GGNBP2: variants seen among roughly 807,000 people sequenced by gnomAD.
GGNBP2 encodes the protein gametogenetin binding protein 2, also known as gametogenetin-binding protein 2.
GGNBP2 carries 10 observed loss-of-function variants against 85.9 expected under a neutral mutation model. That is an observed-to-expected ratio of 0.12 (90% CI 0.07 to 0.20). The LOEUF (loss-of-function observed/expected upper bound fraction) is 0.20, where lower values mean the gene tolerates loss of function less well. Ranked by LOEUF, GGNBP2 falls within the 10% of genes least tolerant of loss-of-function variation. GGNBP2 has a pLI of 1.00. For synonymous variants in GGNBP2, 287 were observed against 285.7 expected (o/e 1.00, Z -0.05); for missense variants, 595 against 857.8 (o/e 0.69, Z 3.83).
At chr17:36,562,823 G>C (rs1567822828) in intron 5 of GGNBP2, among the ~76,000 whole-genome samples, 1 of 151,634 alleles carries the variant, frequency 6.6e-6, no homozygotes. Context: ...AAATTAGCCA[G>C]GCATGGTGGC....
At chr17:36,565,632 TCA>T (rs2142732783) in intron 5 of GGNBP2, among the ~76,000 whole-genome samples, 1 of 152,252 alleles carries the variant, frequency 6.6e-6, no homozygotes, top group East Asian at 1.9e-4. Context: ...GCGGGGTGGC[TCA>T]CACTGGTAAT....
chr17:36,575,895 C>T (rs191040446), intron 6 of GGNBP2, among the ~76,000 whole-genome samples: 13 of 150,936 alleles, frequency 8.6e-5, no homozygotes, highest in Admixed American at 8.6e-4. Flanking sequence ...GATCCACCCG[C>T]CTTTGCCTCC....
intron 6 of GGNBP2, chr17:36,577,745 A>T (rs919089596): frequency 4.8e-5 from 27 of 565,326 alleles, no homozygotes; most frequent in African/African-American, 4.7e-4. Flanking sequence ...TATCTGCCTC[A>T]TTCTTTTAGG....
At chr17:36,583,146 C>T (rs1293751687) in intron 9 of GGNBP2, among the ~76,000 whole-genome samples, 2 of 151,934 alleles carry the variant, frequency 1.3e-5, no homozygotes, top group African/African-American at 4.8e-5. Context: ...CTCCGCCTCT[C>T]GGGTTCAAGC....
At chr17:36,576,599 G>GTA (rs2074589780) in intron 6 of GGNBP2, 1 of 80,224 alleles carries the variant, frequency 1.2e-5, no homozygotes, top group African/African-American at 5.8e-5. Flanking sequence ...ATATATATGT[G>GTA]TGTGTGTGTG....
chr17:36,588,842 A>G (rs923363953), intron 13 of GGNBP2, among the ~76,000 whole-genome samples: 2 of 152,216 alleles, frequency 1.3e-5, no homozygotes, highest in Non-Finnish European at 2.9e-5. Flanking sequence ...CTTAGTTTGT[A>G]GAGATGACTG....
chr17:36,567,266 A>T lies in GGNBP2; in HGVS notation c.528-397A>T, dbSNP rs553033637. Reference sequence around the variant, plus strand: ...GATAGTCAAGCAGAAGTTTTTATATAAAGATATGAGCACACATTTAAATGA... The same window carrying T: ...GATAGTCAAGCAGAAGTTTTTATATTAAGATATGAGCACACATTTAAATGA... On this transcript the variant is annotated intron_variant, in intron 5 of 13. Coordinates refer to ENST00000613102, the MANE Select transcript of GGNBP2 (RefSeq NM_024835.5). 3.3e-5 allele frequency among the ~76,000 whole-genome samples: 5 copies of T among 152,330 alleles called. No individual in the cohort carries two copies. In the South Asian group the frequency reaches 1.0e-3, roughly 32 times the overall value.
At position 36,586,887 on chromosome 17, in the gene GGNBP2, G is replaced by A. The variant is rs867653808; in HGVS notation, c.1642-110G>A. On this transcript the variant is annotated intron_variant, in intron 12 of 13. Transcript: ENST00000613102. ...ACCTGCCTCGGCCTCCCAAAATGTT[G>A]AGATTGTAGGCATGAGCCACCGTGC... 29 of 1,099,896 alleles carry A rather than the reference G, an allele frequency of 2.6e-5. No individual in the cohort carries two copies. In the Middle Eastern group the frequency reaches 4.4e-3, roughly 168 times the overall value. The allele number at this position is 1,099,896 out of a possible 1,614,324, so 68.1% of individuals were successfully genotyped here. A position where few individuals can be genotyped will look rare whatever the true frequency, so the allele number is the denominator to read the frequency against.
chr17:36,576,565 AAAAAAAAAAAAAAAAAAAAAT>A (rs973014498), intron 6 of GGNBP2: 1 of 12,744 alleles, frequency 7.8e-5, no homozygotes, highest in East Asian at 2.8e-3. Flanking sequence ...AAAAAAAAAA[AAAAAAAAAAAAAAAAAAAAAT>A]ATATATATAT....
Position 36,572,586 on chromosome 17 carries a change from G to A in GGNBP2, c.641+4810G>A, listed in dbSNP as rs151124713. Reference sequence around the variant, plus strand: ...CACCTGTAGTCCCAGGTACTCAGGTGGATGAGGCGGGGAGGGTCACCTGAG... The same window carrying A: ...CACCTGTAGTCCCAGGTACTCAGGTAGATGAGGCGGGGAGGGTCACCTGAG... On this transcript the variant is annotated intron_variant, in intron 6 of 13. Coordinates refer to ENST00000613102, the MANE Select transcript of GGNBP2 (RefSeq NM_024835.5). Among the ~76,000 whole-genome samples the A allele has an allele frequency of 7.7e-4, 117 of 152,214 alleles. 1 individual carries two copies. Among genetic ancestry groups the A allele is most frequent in the East Asian group, 2.7e-3 (14 of 5,174 alleles).
chr17:36,581,773 C>T lies in GGNBP2; in HGVS notation c.1215+235C>T, dbSNP rs1393866584. 1.7e-5 allele frequency: 5 copies of T among 286,034 alleles called. No individual in the cohort carries two copies. The Admixed American group carries it at 2.5e-4, about 15-fold the overall frequency. 17.7% of individuals were successfully genotyped at this position (286,034 alleles called of 1,614,324 possible). ...AAAAAGTACAGTCGTCCCTTGGTAT[C>T]TGTGGGGTTTGATTCCAGGACTTCC... is the stretch of plus-strand genomic sequence containing the variant. On this transcript the variant is annotated intron_variant, in intron 9 of 13. Coordinates refer to ENST00000613102, the MANE Select transcript of GGNBP2 (RefSeq NM_024835.5).
intron 2 of GGNBP2, among the ~76,000 whole-genome samples, chr17:36,548,429 A>G (rs1200599776): frequency 6.6e-6 from 1 of 151,758 alleles, no homozygotes; most frequent in East Asian, 1.9e-4. Flanking sequence ...AGCCTGGCCA[A>G]CATGGCAAAA....
intron 4 of GGNBP2, among the ~76,000 whole-genome samples, chr17:36,559,455 G>A (rs767751063): frequency 1.3e-5 from 2 of 152,108 alleles, no homozygotes; most frequent in Admixed American, 1.3e-4. Context: ...CTGGGTTAGA[G>A]ATGTAAATTT....
At chr17:36,549,543 A>G (rs1352659856) in intron 2 of GGNBP2, among the ~76,000 whole-genome samples, 1 of 152,228 alleles carries the variant, frequency 6.6e-6, no homozygotes, top group African/African-American at 2.4e-5. Flanking sequence ...AAAAATAACT[A>G]CAAAACAAAT....
intron 2 of GGNBP2, among the ~76,000 whole-genome samples, chr17:36,548,611 G>C (rs1392844882): frequency 6.1e-5 from 2 of 32,788 alleles, no homozygotes; most frequent in African/African-American, 8.8e-5. Flanking sequence ...GCAAGACTCT[G>C]TCTCAAAAAA....
intron 2 of GGNBP2, among the ~76,000 whole-genome samples, chr17:36,554,194 AGCTACTCGCGAG>A (rs1173190847): frequency 6.6e-6 from 1 of 151,010 alleles, no homozygotes; most frequent in African/African-American, 2.4e-5. Context: ...CTGTAATCCC[AGCTACTCGCGAG>A]GCTGAGGCAG....
chr17:36,582,285 C>G (rs1324110993), intron 9 of GGNBP2: 1 of 152,258 alleles, frequency 6.6e-6, no homozygotes. Flanking sequence ...ACTTGGGAGG[C>G]TGAGGCATGA....
intron 4 of GGNBP2, 41 bp downstream of exon 4, chr17:36,557,377 T>A (rs1226684359): frequency 2.0e-6 from 3 of 1,537,496 alleles, no homozygotes; most frequent in Non-Finnish European, 1.8e-6. Flanking sequence ...TTGTTAAAAT[T>A]TAAAACAGCT....
intron 3 of GGNBP2, among the ~76,000 whole-genome samples, chr17:36,555,614 T>C (rs140152639): frequency 2.6e-5 from 4 of 152,308 alleles, no homozygotes; most frequent in African/African-American, 9.6e-5. Flanking sequence ...CAGGATCTCT[T>C]GAGCCCAGGA....
Sources: allele counts gnomAD v4.1 joint callset (sites outside exome capture counted in the v4.1 genomes callset), GRCh38; gene constraint gnomAD v4.1.1; transcripts MANE v1.5; gene names NCBI Gene and HGNC (gene_info 2026-07-23, HGNC 2026-07-21).